The following SBF2 variants were observed in gnomAD, a reference collection of about 807,000 sequenced individuals.
The protein encoded by SBF2 is SET binding factor 2, also known as myotubularin-related protein 13.
In SBF2, 112 loss-of-function variants were observed where a neutral mutation model predicts 225.2. The observed-to-expected ratio is 0.50, with a 90% CI of 0.43 to 0.58. The LOEUF (loss-of-function observed/expected upper bound fraction) is 0.58. SBF2 is among the 20% of genes least tolerant of loss of function. SBF2 has a pLI of 0.00. For synonymous variants in SBF2, 763 were observed against 773.3 expected, an observed-to-expected ratio of 0.99 and a Z score of 0.22; for missense variants, 1,996 against 2,206.2, an observed-to-expected ratio of 0.90 and a Z score of 1.91.
At chr11:10,228,035 A>C (rs1021930233) in intron 1 of SBF2, among the ~76,000 whole-genome samples, 1 of 151,298 alleles carries the variant, frequency 6.6e-6, no homozygotes, top group East Asian at 1.9e-4. Context: ...GAGGTCCTTC[A>C]CATCCCTTGT....
At chr11:10,239,835 GT>G (rs1236353494) in intron 1 of SBF2, among the ~76,000 whole-genome samples, 1 of 152,094 alleles carries the variant, frequency 6.6e-6, no homozygotes, top group Non-Finnish European at 1.5e-5. Flanking sequence ...TATATTTTGG[GT>G]TTTAAAATTT....
At chr11:10,176,672 C>A (rs1591141667) in intron 2 of SBF2, among the ~76,000 whole-genome samples, 1 of 152,306 alleles carries the variant, frequency 6.6e-6, no homozygotes, top group South Asian at 2.1e-4. Context: ...AGACCAATAA[C>A]AGGAGCTGAA....
chr11:9,842,829 T>C, intron 24 of SBF2, 59 bp from the exon 25 acceptor site: 1 of 1,553,294 alleles, frequency 6.4e-7, no homozygotes. Flanking sequence ...ACTTGTATTG[T>C]TGACACCTAC....
rs1444967360 is a variant in SBF2, at chr11:9,968,470, G to A, written c.1471C>T (p.Leu491Phe). 5.0e-6 allele frequency: 8 copies of A among 1,614,026 alleles called. No homozygotes were observed. The East Asian group carries it at 1.8e-4, about 36-fold the overall frequency. Residue 491 changes from leucine (L) to phenylalanine (F), a missense_variant, in exon 14 of 40, where the codon CTT becomes TTT. Physicochemically the swap from Leu to Phe is conservative, Grantham distance 22. Transcript: ENST00000256190. ...TEGSHLRVHILPFPEINEARV... is the reference protein window; with the variant it reads ...TEGSHLRVHIFPFPEINEARV... ...GCTTCATTAATCTCTGGGAAAGGAA[G>A]AATATGAACTCGCAAATGGGATCCT...
chr11:10,002,832 A>C lies in SBF2; in HGVS notation c.620-143T>G. ...TACTTGGTTAAACTGTAAATTCCAT[A>C]TAATCTATGAGTATTTGTTTTCCCA... is the stretch of plus-strand genomic sequence containing the variant. On this transcript the variant is annotated intron_variant, in intron 6 of 39. Coordinates refer to ENST00000256190, the MANE Select transcript of SBF2 (RefSeq NM_030962.4). The C allele has an allele frequency of 3.9e-6, 3 of 763,656 alleles. No homozygotes were observed. The South Asian group carries it at 4.9e-5, about 12-fold the overall frequency. 47.3% of individuals were successfully genotyped at this position (763,656 alleles called of 1,614,324 possible). A position where few individuals can be genotyped will look rare whatever the true frequency, so the allele number is the denominator to read the frequency against.
intron 2 of SBF2, among the ~76,000 whole-genome samples, chr11:10,155,971 G>A (rs1012907098): frequency 6.6e-6 from 1 of 152,186 alleles, no homozygotes; most frequent in Admixed American, 6.5e-5. Flanking sequence ...GAGCCCACGG[G>A]GGTGGGACAG....
chr11:9,800,923 T>G (rs1213046768), intron 32 of SBF2, among the ~76,000 whole-genome samples: 2 of 152,198 alleles, frequency 1.3e-5, no homozygotes, highest in East Asian at 3.8e-4. Flanking sequence ...TGTCTTTTTT[T>G]TCTCAAGCAG....
At chr11:10,173,594 A>G (rs915725307) in intron 2 of SBF2, among the ~76,000 whole-genome samples, 3 of 152,158 alleles carry the variant, frequency 2.0e-5, no homozygotes, top group East Asian at 1.9e-4. Context: ...AGGGGCGCCC[A>G]CCATTGCCCA....
chr11:10,125,123 A>T (rs953670053), intron 2 of SBF2, among the ~76,000 whole-genome samples: 4 of 151,482 alleles, frequency 2.6e-5, no homozygotes. Context: ...AAAAAAAAAA[A>T]AAAATTCTAC....
intron 2 of SBF2, among the ~76,000 whole-genome samples, chr11:10,110,539 A>G (rs1018869384): frequency 2.0e-5 from 3 of 152,218 alleles, no homozygotes; most frequent in Non-Finnish European, 4.4e-5. Flanking sequence ...ATGGCAAATT[A>G]ATGATCACAA....
At chr11:10,063,351 T>A (rs1447476329) in intron 2 of SBF2, among the ~76,000 whole-genome samples, 12 of 131,100 alleles carry the variant, frequency 9.2e-5, no homozygotes, top group South Asian at 4.9e-4. Context: ...TATATTTTTT[T>A]AATTTTTTTA....
At chr11:9,853,331 T>G (rs1173272670) in intron 20 of SBF2, among the ~76,000 whole-genome samples, 3 of 152,218 alleles carry the variant, frequency 2.0e-5, no homozygotes, top group Non-Finnish European at 4.4e-5. Context: ...CACAACATTG[T>G]AGATGTAATT....
At chr11:10,205,007 G>C (rs1957703416) in intron 1 of SBF2, among the ~76,000 whole-genome samples, 1 of 151,688 alleles carries the variant, frequency 6.6e-6, no homozygotes, top group South Asian at 2.1e-4. Context: ...GCGGCCTGTT[G>C]GGGGGAGGTG....
intron 6 of SBF2, among the ~76,000 whole-genome samples, chr11:10,025,801 G>A (rs187992606): frequency 1.3e-5 from 2 of 152,108 alleles, no homozygotes; most frequent in East Asian, 1.9e-4. Context: ...GGGTGTCAGC[G>A]TGTTGGCCAG....
chr11:9,855,074 T>A (rs934177678), intron 19 of SBF2, among the ~76,000 whole-genome samples: 1 of 152,150 alleles, frequency 6.6e-6, no homozygotes, highest in African/African-American at 2.4e-5. Context: ...TGGGAAAGCA[T>A]CATTTCGGGA....
intron 14 of SBF2, among the ~76,000 whole-genome samples, chr11:9,965,992 T>C (rs754713815): frequency 1.1e-4 from 16 of 152,246 alleles, no homozygotes; most frequent in Admixed American, 3.9e-4. Context: ...AGCAATGTGT[T>C]TATGTTTATA....
At chr11:9,952,431 G>C (rs923936677) in intron 16 of SBF2, among the ~76,000 whole-genome samples, 1 of 152,090 alleles carries the variant, frequency 6.6e-6, no homozygotes. Flanking sequence ...CCTTCTGCTC[G>C]CAGAGATACC....
chr11:9,958,025 A>T (rs1241497618), intron 16 of SBF2: 1 of 151,974 alleles, frequency 6.6e-6, no homozygotes, highest in African/African-American at 2.4e-5. Context: ...TTTAAGAAAC[A>T]TTTCCACCAC....
chr11:9,928,643 T>C (rs1384278569), intron 16 of SBF2, among the ~76,000 whole-genome samples: 1 of 152,216 alleles, frequency 6.6e-6, no homozygotes, highest in Non-Finnish European at 1.5e-5. Flanking sequence ...CAAAGACTTA[T>C]GCATGAATGT....
Sources: gnomAD v4.1 joint callset for allele counts (sites outside exome capture counted in the v4.1 genomes callset) on GRCh38, gnomAD v4.1.1 for gene constraint, MANE v1.5 for transcripts, NCBI Gene and HGNC (gene_info 2026-07-23, HGNC 2026-07-21) for gene names.